PTP4A1: variants seen among roughly 807,000 people sequenced by gnomAD.
PTP4A1 encodes the protein protein tyrosine phosphatase type IVA 1.
Under a neutral mutation model 20.5 loss-of-function variants are expected in PTP4A1, and 9 were observed. The ratio of observed to expected loss-of-function variants is 0.44; its 90% CI spans 0.26 to 0.77. The LOEUF (loss-of-function observed/expected upper bound fraction) is 0.77, where lower values mean the gene tolerates loss of function less well. Among genes scored for constraint, PTP4A1 ranks in the 30% least tolerant of loss-of-function variants. PTP4A1 has a pLI of 0.19. For missense variants in PTP4A1, 137 were observed against 218.8 expected (o/e 0.63, Z 2.36); for synonymous variants, 78 against 67.4 (o/e 1.16, Z -0.77).
At position 63,549,316 on chromosome 6, in the gene PTP4A1, G is replaced by T; in HGVS notation, c.-639-984G>T. 2.7e-6 allele frequency: 2 copies of T among 752,728 alleles called. 1 individual carries two copies. Among genetic ancestry groups the T allele is most frequent in the South Asian group, 2.7e-5 (2 of 73,022 alleles). The allele number at this position is 752,728 out of a possible 1,614,324, so 46.6% of individuals were successfully genotyped here. ...CACTTACAGAGGATGGCTCTCTGCC[G>T]CTGCAACCTGATATAGTGGGGGCCA... On this transcript the variant is annotated intron_variant, in intron 2 of 3. Coordinates refer to the PTP4A1 transcript ENST00000639568.
At chr6:63,551,179 C>T (rs577250314) in intron 3 of PTP4A1, among the ~76,000 whole-genome samples, 3 of 152,220 alleles carry the variant, frequency 2.0e-5, no homozygotes, top group South Asian at 2.1e-4. Context: ...GATTCTCCTG[C>T]CTCAGCCTCC....
intron 1 of PTP4A1, 92 bp downstream of exon 1, chr6:63,572,811 C>T: frequency 2.5e-6 from 1 of 396,912 alleles, no homozygotes; most frequent in East Asian, 3.6e-5. Context: ...CCCGGCGTCT[C>T]CTCCAGGTTG....
chr6:63,552,253 T>C (rs1194371065), intron 3 of PTP4A1, among the ~76,000 whole-genome samples: 1 of 152,244 alleles, frequency 6.6e-6, no homozygotes. Flanking sequence ...TATCTCATTG[T>C]GGTTTTTATT....
the PTP4A1 span, among the ~76,000 whole-genome samples, chr6:63,516,646 C>A: frequency 1.3e-5 from 2 of 152,164 alleles, no homozygotes; most frequent in Admixed American, 6.5e-5. Context: ...TTCAAAGCAA[C>A]AGAATCTTAG....
intron 3 of PTP4A1, 95 bp downstream of exon 3, chr6:63,578,624 T>A: frequency 4.1e-6 from 6 of 1,469,236 alleles, no homozygotes; most frequent in Non-Finnish European, 5.4e-6. Context: ...AAGTCATAAA[T>A]AGACCTCAAA....
At chr6:63,553,918 G>A (rs982100749) in intron 3 of PTP4A1, among the ~76,000 whole-genome samples, 10 of 152,064 alleles carry the variant, frequency 6.6e-5, no homozygotes, top group Admixed American at 2.0e-4. Context: ...CAGAAAATAC[G>A]AAAGAAAAAT....
intron 1 of PTP4A1, among the ~76,000 whole-genome samples, chr6:63,523,134 G>GA (rs1775006621): frequency 6.6e-6 from 1 of 151,452 alleles, no homozygotes; most frequent in Admixed American, 6.6e-5. Flanking sequence ...CTAAAGTGTT[G>GA]AAATTACAGG....
At chr6:63,559,650 C>G (rs1776849581) in intron 3 of PTP4A1, among the ~76,000 whole-genome samples, 1 of 152,000 alleles carries the variant, frequency 6.6e-6, no homozygotes, top group South Asian at 2.1e-4. Flanking sequence ...GAGGCTGAGG[C>G]AGGAGAATCA....
In PTP4A1 at chr6:63,542,427, A is replaced by T. The variant is rs553394454; in HGVS notation, c.-639-7873A>T. Among the ~76,000 whole-genome samples the T allele has an allele frequency of 1.2e-4, 17 of 142,468 alleles. No homozygotes were observed. In the South Asian group the frequency reaches 3.3e-3, roughly 27 times the overall value. 93.5% of individuals were successfully genotyped at this position (142,468 alleles called of 152,430 possible). On this transcript the variant is annotated intron_variant, in intron 2 of 3. Transcript: ENST00000639568. Reference sequence around the variant, plus strand: ...CTGTTCCCCAATAACCTATGGAAATAAAAAAAAAAACTCTCCTTTGAACTC... The same window carrying T: ...CTGTTCCCCAATAACCTATGGAAATTAAAAAAAAAACTCTCCTTTGAACTC...
chr6:63,582,848 CCACGCCTTAA>C lies in PTP4A1; in HGVS notation c.*2678_*2687del, dbSNP rs1778328399. On this transcript the variant is annotated 3_prime_UTR_variant, in exon 6 of 6. Coordinates refer to ENST00000626021, the MANE Select transcript of PTP4A1 (RefSeq NM_003463.5). ...TCCCTAGGGCATTGCTCTCCTATTC[CCACGCCTTAA>C]CACAGCTCTATACCTAGAAGCAGCC... 2.0e-5 allele frequency: 3 copies of C among 152,338 alleles called. No individual in the cohort carries two copies. In the South Asian group the frequency reaches 6.2e-4, roughly 32 times the overall value. The allele number at this position is 152,338 out of a possible 1,614,324, so 9.4% of individuals were successfully genotyped here.
upstream of PTP4A1, among the ~76,000 whole-genome samples, chr6:63,569,200 A>C (rs536314231): frequency 1.3e-5 from 2 of 152,308 alleles, no homozygotes; most frequent in Admixed American, 1.3e-4. Flanking sequence ...AAGATTTGCC[A>C]ATCTTCCTCT....
At chr6:63,526,836 T>TA (rs1491260087) in intron 1 of PTP4A1, among the ~76,000 whole-genome samples, 2,273 of 131,086 alleles carry the variant, frequency 0.017, 31 homozygotes, top group African/African-American at 0.032. Context: ...TATATATATA[T>TA]TTATTTATTT....
rs573586992 is a variant in PTP4A1, at chr6:63,558,122, G to A, written c.-446+7629G>A. Among the ~76,000 whole-genome samples, 9 of 152,080 alleles carry A rather than the reference G, an allele frequency of 5.9e-5. No homozygotes were observed. The South Asian group carries it at 1.2e-3, about 21-fold the overall frequency. ...CCTGACCTTGTGATCCACCCACCTC[G>A]GCCTCCCAAAGTGCTGGGATTACAG... On this transcript the variant is annotated intron_variant, in intron 3 of 3. Coordinates refer to the PTP4A1 transcript ENST00000639568.
At chr6:63,535,107 A>G (rs1775661611) in intron 2 of PTP4A1, among the ~76,000 whole-genome samples, 1 of 152,086 alleles carries the variant, frequency 6.6e-6, no homozygotes, top group African/African-American at 2.4e-5. Context: ...TATAAACAGT[A>G]TTTTAGGTAA....
chr6:63,525,125 A>G (rs899482794), intron 1 of PTP4A1, among the ~76,000 whole-genome samples: 7 of 152,210 alleles, frequency 4.6e-5, no homozygotes, highest in African/African-American at 1.4e-4. Flanking sequence ...TCAAAGGTGA[A>G]GATTTCTAAG....
Sources: gnomAD v4.1 joint callset for allele counts (sites outside exome capture counted in the v4.1 genomes callset) on GRCh38, gnomAD v4.1.1 for gene constraint, MANE v1.5 for transcripts, NCBI Gene and HGNC (gene_info 2026-07-23, HGNC 2026-07-21) for gene names.